BMP5: variants seen among roughly 807,000 people sequenced by gnomAD.
BMP5 encodes bone morphogenetic protein 5.
BMP5 carries 23 observed loss-of-function variants against 46.6 expected under a neutral mutation model. That is an observed-to-expected ratio of 0.49 (90% CI 0.35 to 0.70). The LOEUF is 0.70. BMP5 is among the 30% of genes least tolerant of loss of function. The pLI, the probability that BMP5 is intolerant of heterozygous loss-of-function variation, is 0.00. For synonymous variants in BMP5, 204 were observed against 191.9 expected (o/e 1.06, Z -0.52); for missense variants, 545 against 565.6 (o/e 0.96, Z 0.37).
chr6:55,803,077 G>A (rs959393361), intron 2 of BMP5, among the ~76,000 whole-genome samples: 6 of 147,372 alleles, frequency 4.1e-5, no homozygotes, highest in Non-Finnish European at 5.9e-5. Context: ...CCCGAGGTCA[G>A]GAGTTCGAGA....
intron 4 of BMP5, 27 bp downstream of exon 4, chr6:55,774,022 A>ATAACTGCTGCTCG (rs1206593607): frequency 6.2e-7 from 1 of 1,609,452 alleles, no homozygotes; most frequent in Admixed American, 1.7e-5. Flanking sequence ...CTCTCTGTGC[A>ATAACTGCTGCTCG]TAACTGCTGC....
intron 2 of BMP5, among the ~76,000 whole-genome samples, chr6:55,800,183 C>T (rs1460081410): frequency 6.6e-6 from 1 of 152,008 alleles, no homozygotes; most frequent in Non-Finnish European, 1.5e-5. Context: ...TACTTATTAA[C>T]ACTGTGATAT....
At chr6:55,865,075 A>G (rs1351896288) in intron 1 of BMP5, among the ~76,000 whole-genome samples, 1 of 152,198 alleles carries the variant, frequency 6.6e-6, no homozygotes, top group Non-Finnish European at 1.5e-5. Flanking sequence ...TGAAAGCTCC[A>G]GGATTGAAAG....
intron 4 of BMP5, among the ~76,000 whole-genome samples, chr6:55,763,795 GA>G (rs1334165178): frequency 6.6e-6 from 1 of 152,028 alleles, no homozygotes; most frequent in African/African-American, 2.4e-5. Flanking sequence ...ATAATATTAG[GA>G]AGCCCATGCC....
chr6:55,844,716 T>A (rs1777055107), intron 1 of BMP5, among the ~76,000 whole-genome samples: 1 of 151,840 alleles, frequency 6.6e-6, no homozygotes, highest in South Asian at 2.1e-4. Flanking sequence ...ACCTTTAAAA[T>A]ATGGTAAATA....
chr6:55,863,307 T>A (rs1398645713), intron 1 of BMP5, among the ~76,000 whole-genome samples: 1 of 152,242 alleles, frequency 6.6e-6, no homozygotes, highest in Non-Finnish European at 1.5e-5. Context: ...GTATACTTTT[T>A]AACTTCTTCA....
chr6:55,763,407 G>C (rs1317481341), intron 4 of BMP5, among the ~76,000 whole-genome samples: 2 of 152,226 alleles, frequency 1.3e-5, no homozygotes, highest in East Asian at 3.9e-4. Flanking sequence ...GGTTCCAAGA[G>C]TCTGATTTCA....
chr6:55,797,834 T>C (rs1187778622), intron 2 of BMP5, among the ~76,000 whole-genome samples: 2 of 152,088 alleles, frequency 1.3e-5, no homozygotes, highest in African/African-American at 4.8e-5. Context: ...GCCAGGATGG[T>C]CTCGATCTCC....
At chr6:55,834,801 C>T (rs1360503005) in intron 1 of BMP5, among the ~76,000 whole-genome samples, 1 of 152,062 alleles carries the variant, frequency 6.6e-6, no homozygotes, top group Non-Finnish European at 1.5e-5. Flanking sequence ...CATATGGAGG[C>T]CAGGTGCAGC....
chr6:55,831,265 C>T (rs982046647), intron 1 of BMP5, among the ~76,000 whole-genome samples: 16 of 152,008 alleles, frequency 1.1e-4, no homozygotes, highest in Non-Finnish European at 2.1e-4. Flanking sequence ...TGACAAGTTC[C>T]GCCAATATGC....
At chr6:55,757,510 C>A (rs914025106) in intron 6 of BMP5, among the ~76,000 whole-genome samples, 5 of 151,904 alleles carry the variant, frequency 3.3e-5, no homozygotes, top group Admixed American at 6.6e-5. Context: ...CTTAAAAATT[C>A]TTTTAGTGGT....
chr6:55,834,758 G>A (rs1232090832), intron 1 of BMP5, among the ~76,000 whole-genome samples: 2 of 152,020 alleles, frequency 1.3e-5, no homozygotes, highest in Non-Finnish European at 2.9e-5. Flanking sequence ...GATTCTATAT[G>A]TGCTTACATA....
At chr6:55,871,626 A>G (rs1273947674) in intron 1 of BMP5, among the ~76,000 whole-genome samples, 1 of 151,854 alleles carries the variant, frequency 6.6e-6, no homozygotes, top group African/African-American at 2.4e-5. Flanking sequence ...TCTGTTAAAC[A>G]TGATTCTGAG....
At chr6:55,783,959 T>C (rs1234089350) in intron 3 of BMP5, among the ~76,000 whole-genome samples, 1 of 151,990 alleles carries the variant, frequency 6.6e-6, no homozygotes, top group African/African-American at 2.4e-5. Flanking sequence ...CTAACTCCTG[T>C]TTGTAACTGC....
At chr6:55,792,965 A>AT (rs1775610778) in intron 3 of BMP5, among the ~76,000 whole-genome samples, 3 of 152,146 alleles carry the variant, frequency 2.0e-5, no homozygotes, top group South Asian at 4.1e-4. Flanking sequence ...TGGTGATAAC[A>AT]TTTTTAGGGT....
intron 6 of BMP5, 146 bp downstream of exon 6, chr6:55,758,859 T>C (rs1774680423): frequency 1.0e-5 from 7 of 679,984 alleles, no homozygotes; most frequent in Admixed American, 4.2e-5. Context: ...ATACCCACAG[T>C]TGTTACTTCA....
intron 3 of BMP5, among the ~76,000 whole-genome samples, chr6:55,791,601 G>A (rs1775573789): frequency 6.6e-6 from 1 of 152,004 alleles, no homozygotes; most frequent in Non-Finnish European, 1.5e-5. Flanking sequence ...GAAAGGGAAA[G>A]TCAAAATATA....
intron 2 of BMP5, among the ~76,000 whole-genome samples, chr6:55,810,998 A>G (rs551833272): frequency 1.9e-4 from 29 of 152,284 alleles, no homozygotes; most frequent in Non-Finnish European, 4.0e-4. Context: ...AAGAACCTCT[A>G]AAATAGAGCA....
At chr6:55,818,249 C>CTT (rs201426608) in intron 2 of BMP5, among the ~76,000 whole-genome samples, 31 of 144,644 alleles carry the variant, frequency 2.1e-4, no homozygotes, top group South Asian at 8.8e-4. Flanking sequence ...TAGTGTCTGG[C>CTT]TTTTTTTTTT....
Sources: gnomAD v4.1 joint callset for allele counts (sites outside exome capture counted in the v4.1 genomes callset) on GRCh38, gnomAD v4.1.1 for gene constraint, MANE v1.5 for transcripts, NCBI Gene and HGNC (gene_info 2026-07-23, HGNC 2026-07-21) for gene names.